The following PRAMEF11 variants were observed in gnomAD, a reference collection of about 807,000 sequenced individuals.
The protein encoded by PRAMEF11 is PRAME family member 11.
Under a neutral mutation model 33.6 loss-of-function variants are expected in PRAMEF11, and 17 were observed. The observed-to-expected ratio is 0.51, with a 90% CI of 0.35 to 0.76. The LOEUF (loss-of-function observed/expected upper bound fraction) is 0.76. PRAMEF11 is among the 30% of genes least tolerant of loss of function. PRAMEF11 has a pLI of 0.01. For missense variants in PRAMEF11, 568 were observed against 567.0 expected, an observed-to-expected ratio of 1.00 and a Z score of -0.02; for synonymous variants, 205 against 227.3, an observed-to-expected ratio of 0.90 and a Z score of 0.88.
chr1:12,828,874 C>G lies in PRAMEF11; in HGVS notation c.-16-69G>C, dbSNP rs1265654310. The G allele has an allele frequency of 5.6e-6, 9 of 1,597,566 alleles. No individual in the cohort carries two copies. The African/African-American group carries it at 8.1e-5, about 14-fold the overall frequency. ...AAGCCCATGCAATCTCATCTTCTCC[C>G]AGGGCCAAAGTCACTGCTCTGGCAA... On this transcript the variant is annotated intron_variant, in intron 1 of 3. Transcript: ENST00000619922.
intron 1 of PRAMEF11, among the ~76,000 whole-genome samples, chr1:12,829,948 A>C (rs540144759): frequency 2.0e-5 from 3 of 151,418 alleles, no homozygotes; most frequent in African/African-American, 2.4e-5. Context: ...TGACTTTCTT[A>C]AATATTAACT....
At chr1:12,828,951 T>A in intron 1 of PRAMEF11, 146 bp from the exon 2 acceptor site, 1 of 1,154,582 alleles carries the variant, frequency 8.7e-7, no homozygotes, top group Non-Finnish European at 1.2e-6. Flanking sequence ...TCAGTGGCCA[T>A]TAAGCCAGCA....
chr1:12,825,693 G>A (rs2982169), intron 3 of PRAMEF11, among the ~76,000 whole-genome samples, 190 bp from the exon 4 acceptor site: 45,902 of 140,652 alleles, frequency 0.33, 7,449 homozygotes, highest in East Asian at 0.47. Context: ...TCCACTTTAG[G>A]CCCGGCCCAG....
Position 12,827,649 on chromosome 1 carries a change from T to C in PRAMEF11, c.475A>G (p.Asn159Asp), listed in dbSNP as rs771038661. ...LTVFVELWLK[N>D]RTLDEYLTCL... ...GTGAGGTATTCATCCAGAGTCCTGT[T>C]CTTGAGCCAAAGTTCTACAAACACA... is the stretch of plus-strand genomic sequence containing the variant. The change falls in exon 3 of 4, where the codon AAC (asparagine) becomes GAC (aspartate). Residue 159 changes from asparagine (N) to aspartate (D), a missense_variant. Physicochemically the swap from Asn to Asp is conservative, Grantham distance 23. Coordinates refer to ENST00000619922, the MANE Select transcript of PRAMEF11 (RefSeq NM_001146344.3). The C allele has an allele frequency of 6.3e-5, 101 of 1,609,494 alleles. 5 individuals carry two copies. The highest frequency in any genetic ancestry group is 8.2e-5 in the Non-Finnish European group (97 of 1,177,694).
At chr1:12,826,283 C>T (rs1639865341) in intron 3 of PRAMEF11, among the ~76,000 whole-genome samples, 1 of 149,684 alleles carries the variant, frequency 6.7e-6, no homozygotes, top group African/African-American at 2.4e-5. Flanking sequence ...CAGAATCATA[C>T]ATTTCCTAGG....
chr1:12,827,438 T>G lies in PRAMEF11; in HGVS notation c.686A>C (p.Tyr229Ser), dbSNP rs1639894986. 2.5e-6 allele frequency: 4 copies of G among 1,608,942 alleles called. No homozygotes were observed. The highest frequency in any genetic ancestry group is 3.4e-6 in the Non-Finnish European group (4 of 1,178,484). ...CTGAAGATTCCTCAAGTGGCCCAGG[T>G]ATGGGGTAAACTGTGTCAGGATGGG... is the stretch of plus-strand genomic sequence containing the variant. ...ILPILTQFTP[Y>S]LGHLRNLQKL... Residue 229 changes from tyrosine to serine, a missense_variant, in exon 3 of 4, where the codon TAC becomes TCC. This residue lies in a region of PRAMEF11 where 342 missense variants were observed against 312.0 expected (regional missense o/e 1.10). Transcript: ENST00000619922.
Position 12,824,827 on chromosome 1 carries a change from C to G in PRAMEF11, c.*115G>C. On this transcript the variant is annotated 3_prime_UTR_variant, in exon 4 of 4. Transcript: ENST00000619922. Reference sequence around the variant, plus strand: ...AGCTTTCCTTTCCCACTTTCAGAGCCCATGTGTGAAACGATGGGTTCTGTG... The same window carrying G: ...AGCTTTCCTTTCCCACTTTCAGAGCGCATGTGTGAAACGATGGGTTCTGTG... 6.8e-7 allele frequency: 1 copy of G among 1,465,114 alleles called. No individual in the cohort carries two copies. The allele number at this position is 1,465,114 out of a possible 1,614,324, so 90.8% of individuals were successfully genotyped here. A position where few individuals can be genotyped will look rare whatever the true frequency, so the allele number is the denominator to read the frequency against.
rs1203413477 is a variant in PRAMEF11 at position 12,830,493 on chromosome 1, A to G, written c.-17+863T>C. On this transcript the variant is annotated intron_variant, in intron 1 of 3. Transcript: ENST00000619922. ...AAGAGGATGTGATTGGTTTAAAATT[A>G]AGGTCAAAGATCCTTTTTGATTGAT... 6.0e-5 allele frequency among the ~76,000 whole-genome samples: 9 copies of G among 151,260 alleles called. 2 individuals are homozygous for G. The highest frequency in any genetic ancestry group is 1.3e-4 in the Non-Finnish European group (9 of 67,774).
chr1:12,826,129 G>T lies in PRAMEF11; in HGVS notation c.876-626C>A, dbSNP rs28660574. On this transcript the variant is annotated intron_variant, in intron 3 of 3. Transcript: ENST00000619922. ...TGGGCCACAGAAGCCCAGTGGAGAT[G>T]CAGGCATAAAGGACAAACCCAGACA... Among the ~76,000 whole-genome samples, 30 of 150,882 alleles carry T rather than the reference G, an allele frequency of 2.0e-4. 1 individual carries two copies. The highest frequency in any genetic ancestry group is 6.0e-4 in the East Asian group (3 of 5,034).
Position 12,825,043 on chromosome 1 carries a change from G to T in PRAMEF11, c.1336C>A (p.His446Asn), listed in dbSNP as rs564367901. The change falls in exon 4 of 4, where the codon CAC (histidine) becomes AAC (asparagine). Residue 446 changes from histidine to asparagine, a missense_variant. Physicochemically the swap from His to Asn is moderately conservative, Grantham distance 68 (BLOSUM62 1). Transcript: ENST00000619922. ...AAGATCCTCTTGGGGTGCCTTAAGT[G>T]CCTCACTTTCTTCATCAGCTCAGCC... ...IRAELMKKVR[H>N]LRHPKRILFC... 6.2e-7 allele frequency: 1 copy of T among 1,606,842 alleles called. No individual in the cohort carries two copies. The highest frequency in any genetic ancestry group is 2.3e-5 in the East Asian group (1 of 44,378).
rs200950762 is a variant in PRAMEF11, at chr1:12,828,304, A to C, written c.293+193T>G. Among the ~76,000 whole-genome samples, 7 of 147,584 alleles carry C rather than the reference A, an allele frequency of 4.7e-5. 1 individual carries two copies. The East Asian group carries it at 1.4e-3, about 30-fold the overall frequency. ...TCATGGTGCCTTTCAGTGCCATTAG[A>C]GGAGAGGTTCCTGTTACCTCTATGG... On this transcript the variant is annotated intron_variant, in intron 2 of 3. Coordinates refer to ENST00000619922, the MANE Select transcript of PRAMEF11 (RefSeq NM_001146344.3).
rs766928866 is a variant in PRAMEF11 at position 12,824,977 on chromosome 1, A to G, written c.1402T>C (p.Phe468Leu). 1 of 1,609,662 alleles carries G rather than the reference A, an allele frequency of 6.2e-7. No individual in the cohort carries two copies. Among genetic ancestry groups the G allele is most frequent in the Non-Finnish European group, 8.5e-7 (1 of 1,177,730 alleles). The change falls in exon 4 of 4, where the codon TTT (phenylalanine) becomes CTT (leucine). Residue 468 changes from phenylalanine to leucine, a missense_variant. Around this residue, in one of 3 missense-constraint regions of PRAMEF11, gnomAD observed 174 missense variants for 127.2 expected, o/e 1.37. Coordinates refer to ENST00000619922, the MANE Select transcript of PRAMEF11 (RefSeq NM_001146344.3). The stretch of plus-strand genomic sequence containing the variant: ...TATTGATCTGCCTCCAGGTCATAAA[A>G]TGACCTGTCGCCATGGTCAGGGCAG... ...DNCPDHGDRS[F>L]YDLEADQYCC is the part of the protein sequence containing the mutation.
At chr1:12,829,056 G>A (rs917478185) in intron 1 of PRAMEF11, among the ~76,000 whole-genome samples, 4 of 151,552 alleles carry the variant, frequency 2.6e-5, no homozygotes, top group Non-Finnish European at 5.9e-5. Flanking sequence ...TCCATCCAGT[G>A]ACTAGTGAGT....
At chr1:12,829,012 G>A (rs1313890486) in intron 1 of PRAMEF11, among the ~76,000 whole-genome samples, 1 of 151,660 alleles carries the variant, frequency 6.6e-6, no homozygotes, top group Admixed American at 6.6e-5. Flanking sequence ...TGAGGAAGCA[G>A]GGCCACCACG....
At chr1:12,826,510 C>A (rs1639870389) in intron 3 of PRAMEF11, among the ~76,000 whole-genome samples, 1 of 151,114 alleles carries the variant, frequency 6.6e-6, no homozygotes, top group South Asian at 2.1e-4. Flanking sequence ...GCCTATAATC[C>A]CAGCACTTTG....
intron 2 of PRAMEF11, 95 bp downstream of exon 2, chr1:12,828,402 A>G (rs2100344345): frequency 7.0e-7 from 1 of 1,427,780 alleles, no homozygotes; most frequent in Non-Finnish European, 9.5e-7. Context: ...CCTCACCACC[A>G]CCATCCCCCT....
At position 12,827,128 on chromosome 1, in the gene PRAMEF11, A is replaced by T. The variant is rs1639885622; in HGVS notation, c.875+121T>A. On this transcript the variant is annotated intron_variant, in intron 3 of 3. Coordinates refer to ENST00000619922, the MANE Select transcript of PRAMEF11 (RefSeq NM_001146344.3). Reference sequence around the variant, plus strand: ...GGGCCGCCAACAGGACAATGCATGGACATTCTAGTGTCCCCTTCACTGTTA... The same window carrying T: ...GGGCCGCCAACAGGACAATGCATGGTCATTCTAGTGTCCCCTTCACTGTTA... 1.9e-6 allele frequency: 3 copies of T among 1,563,972 alleles called. No homozygotes were observed. In the Admixed American group the frequency reaches 5.2e-5, roughly 27 times the overall value.
In PRAMEF11 at chr1:12,828,604, G is replaced by A. The variant is rs1213157265; in HGVS notation, c.186C>T (p.Pro62=). The change falls in exon 2 of 4, where the codon CCC becomes CCT. Residue 62 remains proline, a synonymous_variant. Transcript: ENST00000619922. ...EALKLMVQAW[P]FRRLPLRPLI... is the part of the protein sequence containing the mutation. ...GAGGCCTCAGAGGGAGGCGGCGGAA[G>A]GGCCAGGCCTGCACCATCAGCTTCA... is the stretch of plus-strand genomic sequence containing the variant. 1.2e-6 allele frequency: 2 copies of A among 1,604,980 alleles called. No individual in the cohort carries two copies. Among genetic ancestry groups the A allele is most frequent in the East Asian group, 2.3e-5 (1 of 44,102 alleles).
At chr1:12,826,591 G>A (rs1202626945) in intron 3 of PRAMEF11, among the ~76,000 whole-genome samples, 1 of 151,116 alleles carries the variant, frequency 6.6e-6, no homozygotes, top group Non-Finnish European at 1.5e-5. Context: ...GTGAAAACCT[G>A]TCTCTACTTA....
Sources: gnomAD v4.1 joint callset for allele counts (sites outside exome capture counted in the v4.1 genomes callset) on GRCh38, gnomAD v4.1.1 for gene constraint, gnomAD v4.1.1 regional missense constraint, MANE v1.5 for transcripts, NCBI Gene and HGNC (gene_info 2026-07-23, HGNC 2026-07-21) for gene names.